MYH13: variants seen among roughly 807,000 people sequenced by gnomAD.
MYH13 encodes myosin-13.
In MYH13, 177 loss-of-function variants were observed where a neutral mutation model predicts 232.1. The ratio of observed to expected loss-of-function variants is 0.76; its 90% CI spans 0.67 to 0.86. The LOEUF is 0.86. Among genes scored for constraint, MYH13 ranks in the 40% least tolerant of loss-of-function variants. MYH13 has a pLI of 0.00. For synonymous variants in MYH13, 884 were observed against 923.5 expected, an observed-to-expected ratio of 0.96 and a Z score of 0.78; for missense variants, 2,246 against 2,405.9, an observed-to-expected ratio of 0.93 and a Z score of 1.39.
Position 10,313,192 on chromosome 17 carries a change from C to T in MYH13, c.4147G>A (p.Ala1383Thr), listed in dbSNP as rs755767957. The change falls in exon 30 of 41, where the codon GCC (alanine) becomes ACC (threonine). Residue 1383 changes from alanine to threonine, a missense_variant. Physicochemically the swap from Ala to Thr is moderately conservative, Grantham distance 58. Coordinates refer to ENST00000252172, the MANE Select transcript of MYH13 (RefSeq NM_003802.3). Reference protein sequence around the residue: ...AQWRTKYETDAIQRTEELEEA... With the variant: ...AQWRTKYETDTIQRTEELEEA... ...TCCAGCTCCTCTGTGCGCTGAATGG[C>T]GTCCGTCTCGTATTTGGTCCTCCAC... 2.2e-5 allele frequency: 35 copies of T among 1,614,050 alleles called. No individual in the cohort carries two copies. Among genetic ancestry groups the T allele is most frequent in the Non-Finnish European group, 2.4e-5 (28 of 1,180,026 alleles).
At chr17:10,308,569 A>G (rs1442560602) in intron 35 of MYH13, among the ~76,000 whole-genome samples, 1 of 151,792 alleles carries the variant, frequency 6.6e-6, no homozygotes, top group South Asian at 2.1e-4. Context: ...TATTTATATA[A>G]TTCACAATGG....
At chr17:10,321,067 C>A (rs551672126) in intron 24 of MYH13, among the ~76,000 whole-genome samples, 1 of 152,164 alleles carries the variant, frequency 6.6e-6, no homozygotes, top group Admixed American at 6.5e-5. Context: ...AAACTTCAAA[C>A]GTGGCTCTTA....
chr17:10,314,415 CAAA>C (rs535595768), intron 29 of MYH13, among the ~76,000 whole-genome samples: 5 of 89,880 alleles, frequency 5.6e-5, no homozygotes, highest in Admixed American at 1.2e-4. Flanking sequence ...AACTCCATCT[CAAA>C]AAAAAAAAAA....
chr17:10,330,972 G>C (rs899335204), intron 20 of MYH13, among the ~76,000 whole-genome samples: 2 of 152,020 alleles, frequency 1.3e-5, no homozygotes, highest in Non-Finnish European at 2.9e-5. Context: ...AGCAGAGATT[G>C]CACCATTGCA....
chr17:10,358,577 G>A (rs1288408588), intron 7 of MYH13, among the ~76,000 whole-genome samples: 1 of 151,998 alleles, frequency 6.6e-6, no homozygotes. Flanking sequence ...AGGAAAGATA[G>A]TGAGACTCCA....
At chr17:10,364,303 A>G (rs1341513824) in intron 3 of MYH13, 24 bp downstream of exon 3, 8 of 1,600,116 alleles carry the variant, frequency 5.0e-6, no homozygotes, top group Non-Finnish European at 6.8e-6. Flanking sequence ...CATATTATCA[A>G]AGACATCTGT....
In MYH13 at chr17:10,312,571, G is replaced by A. The variant is rs1485791953; in HGVS notation, c.4365+3C>T. On this transcript the variant is annotated splice_donor_region_variant and intron_variant, in intron 31 of 40. Coordinates refer to ENST00000252172, the MANE Select transcript of MYH13 (RefSeq NM_003802.3). Reference sequence around the variant, plus strand: ...TTCACAAAGAAAGCGGCTGGGGAAGGACCTTGTCGAAGTTCCTCTGCTTCT... The same window carrying A: ...TTCACAAAGAAAGCGGCTGGGGAAGAACCTTGTCGAAGTTCCTCTGCTTCT... 2 of 1,610,876 alleles carry A rather than the reference G, an allele frequency of 1.2e-6. No homozygotes were observed. Among genetic ancestry groups the A allele is most frequent in the Non-Finnish European group, 1.7e-6 (2 of 1,178,414 alleles).
intron 21 of MYH13, among the ~76,000 whole-genome samples, chr17:10,329,456 A>T (rs755192879): frequency 2.0e-5 from 3 of 152,194 alleles, no homozygotes; most frequent in Non-Finnish European, 4.4e-5. Flanking sequence ...TTGCCCCGTC[A>T]TAGCCTTTGT....
intron 2 of MYH13, among the ~76,000 whole-genome samples, chr17:10,367,228 TG>T (rs1381547974): frequency 2.0e-5 from 3 of 152,246 alleles, no homozygotes; most frequent in Non-Finnish European, 2.9e-5. Context: ...CCATAAGATT[TG>T]GTTTATGTAA....
chr17:10,316,035 A>G lies in MYH13; in HGVS notation c.3739-10T>C. ...TTCTTTCTATGTTACTCTTTAACAA[A>G]CAGAAAGTCAACACGAATGGGAAGA... On this transcript the variant is annotated splice_polypyrimidine_tract_variant and intron_variant, in intron 27 of 40. Transcript: ENST00000252172. 1 of 1,614,000 alleles carries G rather than the reference A, an allele frequency of 6.2e-7. No homozygotes were observed.
In MYH13 at chr17:10,355,084, A is replaced by G. The variant is rs777700355; in HGVS notation, c.802T>C (p.Tyr268His). ...GGATTTATAGAGTGTTTGGACTCAC[A>G]AGTTTCGATGTCTGCCGATGCCAGC... ...GKLASADIETYLLEKSRVTFQ... is the reference protein window; with the variant it reads ...GKLASADIETHLLEKSRVTFQ... Residue 268 changes from tyrosine (Y) to histidine (H), a missense_variant and splice_region_variant, in exon 9 of 41, where the codon TAT becomes CAT. Physicochemically the swap from Tyr to His is moderately conservative, Grantham distance 83. Coordinates refer to ENST00000252172, the MANE Select transcript of MYH13 (RefSeq NM_003802.3). 1 of 1,602,934 alleles carries G rather than the reference A, an allele frequency of 6.2e-7. No homozygotes were observed. Among genetic ancestry groups the G allele is most frequent in the Non-Finnish European group, 8.5e-7 (1 of 1,174,022 alleles).
At chr17:10,367,595 C>T (rs1490162187) in intron 2 of MYH13, among the ~76,000 whole-genome samples, 1 of 152,120 alleles carries the variant, frequency 6.6e-6, no homozygotes, top group African/African-American at 2.4e-5. Flanking sequence ...GTGATCCTCC[C>T]GCCTCAGCTT....
chr17:10,306,844 T>C lies in MYH13; in HGVS notation c.5295+95A>G, dbSNP rs144729433. On this transcript the variant is annotated intron_variant, in intron 36 of 40. Coordinates refer to ENST00000252172, the MANE Select transcript of MYH13 (RefSeq NM_003802.3). The surrounding 1 kb of genome is among the most constrained non-coding windows in gnomAD (Gnocchi z 4.3). Reference sequence around the variant, plus strand: ...GGAAGCCACCACTAACCGATTGTTGTCATAAGAGATGAAACATACTTGCCA... The same window carrying C: ...GGAAGCCACCACTAACCGATTGTTGCCATAAGAGATGAAACATACTTGCCA... 2 of 1,588,578 alleles carry C rather than the reference T, an allele frequency of 1.3e-6. No homozygotes were observed. The highest frequency in any genetic ancestry group is 2.3e-5 in the South Asian group (2 of 87,898).
intron 23 of MYH13, among the ~76,000 whole-genome samples, chr17:10,323,548 A>G (rs1907056818): frequency 1.3e-5 from 2 of 152,034 alleles, no homozygotes; most frequent in African/African-American, 4.8e-5. Context: ...ACCTGAGGTA[A>G]GGAGTTCGAG....
intron 12 of MYH13, among the ~76,000 whole-genome samples, chr17:10,349,438 C>A (rs1025390070): frequency 6.6e-6 from 1 of 151,606 alleles, no homozygotes; most frequent in African/African-American, 2.4e-5. Flanking sequence ...GATCTCTCCC[C>A]CAATTTTTCA....
chr17:10,322,114 C>T (rs745358628), intron 23 of MYH13, among the ~76,000 whole-genome samples: 18 of 152,172 alleles, frequency 1.2e-4, no homozygotes, highest in Middle Eastern at 3.4e-3. Context: ...AAATTCACGC[C>T]GGGCGCGGTG....
intron 11 of MYH13, 115 bp downstream of exon 11, chr17:10,354,565 G>A (rs1013926848): frequency 3.2e-6 from 3 of 944,596 alleles, no homozygotes; most frequent in African/African-American, 3.3e-5. Flanking sequence ...GAGATCTTGA[G>A]TCTAATCACT....
rs771794619 is a variant in MYH13, at chr17:10,346,725, C to T, written c.1218G>A (p.Val406=). The T allele has an allele frequency of 2.5e-6, 4 of 1,613,848 alleles. No individual in the cohort carries two copies. Among genetic ancestry groups the T allele is most frequent in the Non-Finnish European group, 3.4e-6 (4 of 1,179,866 alleles). ...EMLKGLCCPR[V]KVGNEYVTKG... is the part of the protein sequence containing the mutation. Reference sequence around the variant, plus strand: ...TAGTGACATATTCATTGCCAACCTTCACCCTTGGACAGCACAGGCCCTTCA... The same window carrying T: ...TAGTGACATATTCATTGCCAACCTTTACCCTTGGACAGCACAGGCCCTTCA... Residue 406 remains valine (V), a synonymous_variant, in exon 13 of 41, where the codon GTG becomes GTA. Coordinates refer to ENST00000252172, the MANE Select transcript of MYH13 (RefSeq NM_003802.3).
intron 29 of MYH13, among the ~76,000 whole-genome samples, 179 bp from the exon 30 acceptor site, chr17:10,313,533 AT>A (rs1218190820): frequency 6.6e-6 from 1 of 152,208 alleles, no homozygotes; most frequent in African/African-American, 2.4e-5. Flanking sequence ...CCTTAATTAT[AT>A]TTAAATATAT....
Sources: gnomAD v4.1 joint callset for allele counts (sites outside exome capture counted in the v4.1 genomes callset) on GRCh38, gnomAD v4.1.1 for gene constraint, Gnocchi (gnomAD v3.1) non-coding constraint, MANE v1.5 for transcripts, NCBI Gene and HGNC (gene_info 2026-07-23, HGNC 2026-07-21) for gene names.